Variants in CSMD1 observed in about 807,000 individuals in gnomAD.
CSMD1 encodes CUB and sushi domain-containing protein 1.
CSMD1 carries 213 observed loss-of-function variants against 417.5 expected under a neutral mutation model. The ratio of observed to expected loss-of-function variants is 0.51; its 90% CI spans 0.46 to 0.57. The LOEUF (loss-of-function observed/expected upper bound fraction) is 0.57, where lower values mean the gene tolerates loss of function less well. Ranked by LOEUF, CSMD1 falls within the 20% of genes least tolerant of loss-of-function variation. CSMD1 has a pLI of 0.00. For synonymous variants in CSMD1, 2,862 were observed against 1,736.8 expected, an observed-to-expected ratio of 1.65 and a Z score of -16.11; for missense variants, 6,923 against 4,529.7, an observed-to-expected ratio of 1.53 and a Z score of -15.17.
intron 5 of CSMD1, among the ~76,000 whole-genome samples, chr8:3,920,413 T>G (rs1199589550): frequency 1.3e-5 from 2 of 152,026 alleles, no homozygotes; most frequent in South Asian, 2.1e-4. Context: ...TTTCTAAGAC[T>G]GTAACATCTG....
chr8:3,755,460 G>C (rs1173405115), intron 5 of CSMD1, among the ~76,000 whole-genome samples: 1 of 152,182 alleles, frequency 6.6e-6, no homozygotes, highest in Non-Finnish European at 1.5e-5. Context: ...ATGCTTATTA[G>C]TGTAGATAAT....
At chr8:4,849,270 A>C (rs994454386) in intron 1 of CSMD1, among the ~76,000 whole-genome samples, 1 of 152,216 alleles carries the variant, frequency 6.6e-6, no homozygotes, top group African/African-American at 2.4e-5. Flanking sequence ...TGTGTTTCAT[A>C]TTTTAATGTG....
intron 1 of CSMD1, among the ~76,000 whole-genome samples, chr8:4,938,113 TTAA>T (rs531252722): frequency 1.4e-4 from 22 of 152,236 alleles, no homozygotes; most frequent in Non-Finnish European, 2.8e-4. Flanking sequence ...GAATTTTAAG[TTAA>T]TAATTAAAAA....
intron 1 of CSMD1, among the ~76,000 whole-genome samples, chr8:4,852,651 G>A (rs905496873): frequency 1.3e-5 from 2 of 152,138 alleles, no homozygotes; most frequent in Non-Finnish European, 2.9e-5. Flanking sequence ...ACTAGGTAAT[G>A]GGTAGAGATT....
At chr8:3,051,092 A>T (rs972338739) in intron 50 of CSMD1, among the ~76,000 whole-genome samples, 1 of 152,220 alleles carries the variant, frequency 6.6e-6, no homozygotes, top group African/African-American at 2.4e-5. Flanking sequence ...CAATCCCATT[A>T]CTGGGTATAT....
chr8:4,605,545 C>G (rs1800821085), intron 2 of CSMD1, among the ~76,000 whole-genome samples: 1 of 152,154 alleles, frequency 6.6e-6, no homozygotes, highest in African/African-American at 2.4e-5. Flanking sequence ...TACAATTACG[C>G]AAATGATAAT....
rs374326454 is a variant in CSMD1 at position 3,399,504 on chromosome 8, C to G, written c.2292G>C (p.Ala764=). The part of the protein sequence containing the change: ...CEAPCGGHLT[A]SSGVILPPGW... ...CAGGAGGCAAAATGACTCCGCTGGA[C>G]GCTGTCAGATGTCCACCACATGGAG... Residue 764 remains alanine, a synonymous_variant, in exon 16 of 70, where the codon GCG becomes GCC. Transcript: ENST00000635120. The G allele has an allele frequency of 4.4e-5, 71 of 1,602,754 alleles. No individual in the cohort carries two copies. The East Asian group carries it at 1.4e-3, about 32-fold the overall frequency.
At chr8:4,359,834 T>C (rs779478721) in intron 3 of CSMD1, among the ~76,000 whole-genome samples, 1 of 152,204 alleles carries the variant, frequency 6.6e-6, no homozygotes. Context: ...TCTCCTACTG[T>C]CGGAAGCAAG....
rs530790169 is a variant in CSMD1, at chr8:3,888,423, T to C, written c.818+109480A>G. Among the ~76,000 whole-genome samples, 46 of 152,320 alleles carry C rather than the reference T, an allele frequency of 3.0e-4. No individual in the cohort carries two copies. The South Asian group carries it at 9.5e-3, about 32-fold the overall frequency. On this transcript the variant is annotated intron_variant, in intron 5 of 69. Coordinates refer to ENST00000635120, the MANE Select transcript of CSMD1 (RefSeq NM_033225.6). The stretch of plus-strand genomic sequence containing the variant: ...TTCTATACGGAAACCTTTTTTTACC[T>C]TAATGCAAGGTTCATGTGCAAATGC...
In CSMD1 at chr8:3,990,440, G is replaced by A. The variant is rs182639888; in HGVS notation, c.818+7463C>T. Among the ~76,000 whole-genome samples the A allele has an allele frequency of 1.7e-3, 253 of 152,176 alleles. 2 individuals carry two copies. Among genetic ancestry groups the A allele is most frequent in the African/African-American group, 5.9e-3 (243 of 41,522 alleles). ...CCCGGGATAACTATTTTTCCTATTG[G>A]TCCCATCTTTAGAGACCAGGGATGT... On this transcript the variant is annotated intron_variant, in intron 5 of 69. Transcript: ENST00000635120.
In CSMD1 at chr8:4,061,742, G is replaced by A. The variant is rs554061190; in HGVS notation, c.416-29643C>T. On this transcript the variant is annotated intron_variant, in intron 3 of 69. Coordinates refer to ENST00000635120, the MANE Select transcript of CSMD1 (RefSeq NM_033225.6). ...CTTACCAAATTAATTATTCTAATGA[G>A]TGAGTCACCTCTCTGCATGTTCAGT... Among the ~76,000 whole-genome samples the A allele has an allele frequency of 1.9e-4, 29 of 152,264 alleles. 2 individuals are homozygous for A. In the South Asian group the frequency reaches 5.0e-3, roughly 26 times the overall value.
In CSMD1 at chr8:3,935,975, G is replaced by A. The variant is rs189472275; in HGVS notation, c.818+61928C>T. On this transcript the variant is annotated intron_variant, in intron 5 of 69. Coordinates refer to ENST00000635120, the MANE Select transcript of CSMD1 (RefSeq NM_033225.6). ...GCAAAGGAAAAGTTCTTGAAATATA[G>A]TAAAAGTGCTATTTCAGTGAATGCA... is the stretch of plus-strand genomic sequence containing the variant. Among the ~76,000 whole-genome samples, 251 of 152,252 alleles carry A rather than the reference G, an allele frequency of 1.6e-3. 1 individual carries two copies. The highest frequency in any genetic ancestry group is 5.7e-3 in the African/African-American group (237 of 41,572).
At chr8:2,974,032 G>GGATGGTGGTAGAC (rs1804699747) in intron 56 of CSMD1, among the ~76,000 whole-genome samples, 2 of 145,652 alleles carry the variant, frequency 1.4e-5, no homozygotes, top group Admixed American at 6.7e-5. Context: ...TGATGGTAGA[G>GGATGGTGGTAGAC]GATGGTGGTA....
rs534275991 is a variant in CSMD1, at chr8:4,858,708, G to C, written c.85+135624C>G. Among the ~76,000 whole-genome samples the C allele has an allele frequency of 4.7e-5, 7 of 148,772 alleles. No individual in the cohort carries two copies. The East Asian group carries it at 1.4e-3, about 30-fold the overall frequency. On this transcript the variant is annotated intron_variant, in intron 1 of 69. Coordinates refer to ENST00000635120, the MANE Select transcript of CSMD1 (RefSeq NM_033225.6). ...AAATACCTAGGAATCCAACTTACAA[G>C]GGATGTGAAGGACCTCTTCAAGGAG...
intron 9 of CSMD1, among the ~76,000 whole-genome samples, chr8:3,577,768 C>T (rs540604332): frequency 5.9e-5 from 9 of 152,326 alleles, no homozygotes; most frequent in Non-Finnish European, 1.0e-4. Context: ...ACCTAATCAT[C>T]TGCTTCTTTA....
At chr8:3,683,714 C>G (rs1323631063) in intron 7 of CSMD1, among the ~76,000 whole-genome samples, 1 of 152,100 alleles carries the variant, frequency 6.6e-6, no homozygotes, top group Non-Finnish European at 1.5e-5. Context: ...GGCTCAAGCT[C>G]CTACAACTAG....
chr8:4,960,980 T>C (rs576351390), intron 1 of CSMD1, among the ~76,000 whole-genome samples: 105 of 152,230 alleles, frequency 6.9e-4, no homozygotes, highest in African/African-American at 2.2e-3. Context: ...ATCTTATCTA[T>C]TGACATCCTA....
intron 5 of CSMD1, among the ~76,000 whole-genome samples, chr8:3,974,638 G>T (rs1405795481): frequency 6.6e-6 from 1 of 151,248 alleles, no homozygotes; most frequent in Non-Finnish European, 1.5e-5. Flanking sequence ...TTAGATGAAA[G>T]AACTGTTTAA....
intron 3 of CSMD1, among the ~76,000 whole-genome samples, chr8:4,156,026 T>G (rs1030682141): frequency 6.6e-6 from 1 of 152,114 alleles, no homozygotes; most frequent in Non-Finnish European, 1.5e-5. Flanking sequence ...CCCAGTGGCC[T>G]GGTTCCTCAG....
Sources: allele counts gnomAD v4.1 joint callset (sites outside exome capture counted in the v4.1 genomes callset), GRCh38; gene constraint gnomAD v4.1.1; transcripts MANE v1.5; gene names NCBI Gene and HGNC (gene_info 2026-07-23, HGNC 2026-07-21).